Variants in CELF2 observed in about 807,000 individuals in gnomAD.
The protein encoded by CELF2 is CUGBP Elav-like family member 2.
A neutral mutation model predicts 62.6 loss-of-function variants in CELF2; 8 were observed. That is an observed-to-expected ratio of 0.13 (90% confidence interval 0.07 to 0.23). The LOEUF is 0.23. CELF2 is among the 10% of genes least tolerant of loss of function. The probability of loss-of-function intolerance (pLI) is 1.00; values close to 1 mark genes in which losing one functional copy is unlikely to be tolerated. For missense variants in CELF2, 333 were observed against 671.0 expected, an observed-to-expected ratio of 0.50 and a Z score of 5.56; for synonymous variants, 258 against 250.0, an observed-to-expected ratio of 1.03 and a Z score of -0.30.
chr10:11,314,262 C>A lies in CELF2; in HGVS notation c.1096+4C>A. ...AATAATATTAATGCACTAGCAGGTACCATCAACAGTGAGTATTTGCTGCTC... is the reference window on the plus strand; with the variant it reads ...AATAATATTAATGCACTAGCAGGTAACATCAACAGTGAGTATTTGCTGCTC... On this transcript the variant is annotated splice_donor_region_variant and intron_variant, in intron 10 of 12. Transcript: ENST00000633077. This position sits in a 1 kb window ranked among gnomAD's most constrained non-coding sequence, Gnocchi z 5.3. The A allele has an allele frequency of 6.2e-7, 1 of 1,614,166 alleles. No individual in the cohort carries two copies. Among genetic ancestry groups the A allele is most frequent in the East Asian group, 2.2e-5 (1 of 44,886 alleles).
chr10:10,842,066 A>T (rs2058720487), intron 1 of CELF2, among the ~76,000 whole-genome samples: 1 of 151,974 alleles, frequency 6.6e-6, no homozygotes, highest in South Asian at 2.1e-4. Flanking sequence ...TGTAAATGGT[A>T]TTTTTCATTT....
rs1007446913 is a variant in CELF2 at position 10,853,177 on chromosome 10, C to T, written c.53+54360C>T. On this transcript the variant is annotated intron_variant, in intron 1 of 13. Transcript: ENST00000636488. ...TGTATTTTTATTAGAGATGGGGTTT[C>T]ACCATGTTGGCCAGGTTGGTACTGA... Among the ~76,000 whole-genome samples, 3 of 152,266 alleles carry T rather than the reference C, an allele frequency of 2.0e-5. No individual in the cohort carries two copies. In the South Asian group the frequency reaches 6.2e-4, roughly 32 times the overall value.
At chr10:11,288,642 A>G in intron 9 of CELF2, 90 bp downstream of exon 9, 1 of 1,460,424 alleles carries the variant, frequency 6.8e-7, no homozygotes, top group South Asian at 1.2e-5. Context: ...GTGAGGCTAG[A>G]CGTGTCCAGG....
In CELF2 at chr10:11,321,398, C is replaced by T. The variant is rs1476559824; in HGVS notation, c.1294+12C>T. The stretch of plus-strand genomic sequence containing the variant: ...CAGCCAGAAGGAAGGTAGGTGCCGC[C>T]CTTGGCCCCAGGCAGGGCCCAGCCC... On this transcript the variant is annotated intron_variant, in intron 11 of 12. Coordinates refer to ENST00000633077, the MANE Select transcript of CELF2 (RefSeq NM_001326342.2). This position sits in a 1 kb window ranked among gnomAD's most constrained non-coding sequence, Gnocchi z 6.2. The T allele has an allele frequency of 1.2e-6, 2 of 1,600,692 alleles. No homozygotes were observed. The highest frequency in any genetic ancestry group is 2.2e-5 in the South Asian group (2 of 90,958).
intron 2 of CELF2, among the ~76,000 whole-genome samples, chr10:11,216,182 A>G (rs2063318264): frequency 1.3e-5 from 2 of 152,228 alleles, no homozygotes; most frequent in South Asian, 4.1e-4. Flanking sequence ...AAGGTTTTGT[A>G]TATATTGACT....
At chr10:11,241,971 T>TTC (rs745835995) in intron 3 of CELF2, among the ~76,000 whole-genome samples, 10 of 152,220 alleles carry the variant, frequency 6.6e-5, no homozygotes, top group Non-Finnish European at 1.3e-4. Context: ...GACACAAGTA[T>TTC]TCTCCATGGA....
chr10:11,172,366 G>A (rs1395424227), intron 2 of CELF2, among the ~76,000 whole-genome samples: 3 of 152,188 alleles, frequency 2.0e-5, no homozygotes, highest in African/African-American at 7.2e-5. Flanking sequence ...GTGAAAGGTG[G>A]CTTCACTGCC....
At chr10:10,575,898 G>T in the CELF2 span, among the ~76,000 whole-genome samples, 2,360 of 152,284 alleles carry the variant, frequency 0.015, 23 homozygotes, top group Non-Finnish European at 0.025. Context: ...AGGAATCCTT[G>T]ACCCCTGGCA....
rs541743058 is a variant in CELF2, at chr10:11,130,636, C to T, written c.75-34850C>T. On this transcript the variant is annotated intron_variant, in intron 1 of 12. Coordinates refer to ENST00000633077, the MANE Select transcript of CELF2 (RefSeq NM_001326342.2). ...ACCAGATGACACATTTTTGAGAGCA[C>T]AATCTATCTGATTTATTACCGACAG... Among the ~76,000 whole-genome samples the T allele has an allele frequency of 2.0e-5, 3 of 152,298 alleles. No individual in the cohort carries two copies. In the South Asian group the frequency reaches 6.2e-4, roughly 32 times the overall value.
intron 1 of CELF2, among the ~76,000 whole-genome samples, chr10:10,825,445 T>TC (rs2057314243): frequency 6.6e-6 from 1 of 151,946 alleles, no homozygotes; most frequent in Non-Finnish European, 1.5e-5. Flanking sequence ...TTCCTGACCT[T>TC]GTGATCTGTC....
chr10:11,115,611 G>A (rs896282757), intron 1 of CELF2, among the ~76,000 whole-genome samples: 1 of 152,186 alleles, frequency 6.6e-6, no homozygotes, highest in Non-Finnish European at 1.5e-5. Flanking sequence ...AGAAGCGAAT[G>A]ATATGGAATT....
chr10:10,555,742 G>A, the CELF2 span, among the ~76,000 whole-genome samples: 20 of 152,078 alleles, frequency 1.3e-4, no homozygotes, highest in African/African-American at 4.8e-4. Flanking sequence ...ACACACACAT[G>A]CACTCACACT....
At chr10:10,632,002 GA>G in the CELF2 span, among the ~76,000 whole-genome samples, 2 of 152,104 alleles carry the variant, frequency 1.3e-5, no homozygotes, top group African/African-American at 2.4e-5. Context: ...AAATAAACGA[GA>G]GGCCTGTGAA....
the CELF2 span, among the ~76,000 whole-genome samples, chr10:10,470,823 T>A: frequency 1.3e-5 from 2 of 151,034 alleles, no homozygotes; most frequent in East Asian, 3.9e-4. Context: ...ATTTCAGGGA[T>A]TAAAGCATGG....
chr10:11,096,546 A>G (rs1015677912), intron 1 of CELF2: 1 of 152,226 alleles, frequency 6.6e-6, no homozygotes, highest in Non-Finnish European at 1.5e-5. Context: ...AGAATCAAGG[A>G]AACTGCTGCA....
At chr10:11,107,184 G>A (rs772079127) in intron 1 of CELF2, among the ~76,000 whole-genome samples, 12 of 152,228 alleles carry the variant, frequency 7.9e-5, no homozygotes, top group East Asian at 1.9e-4. Context: ...GAAGCAAGGC[G>A]GCCAACTCAG....
chr10:11,182,302 C>T (rs565214144), intron 2 of CELF2, among the ~76,000 whole-genome samples: 6 of 152,360 alleles, frequency 3.9e-5, no homozygotes, highest in African/African-American at 1.4e-4. Flanking sequence ...TCCCTCTCTA[C>T]TTTCCTAGAT....
Position 10,980,350 on chromosome 10 carries a change from C to A in CELF2, c.89+60351C>A, listed in dbSNP as rs541641498. Among the ~76,000 whole-genome samples the A allele has an allele frequency of 1.2e-3, 182 of 152,322 alleles. 1 individual carries two copies. Among genetic ancestry groups the A allele is most frequent in the South Asian group, 4.2e-3 (20 of 4,816 alleles). On this transcript the variant is annotated intron_variant, in intron 2 of 13. Transcript: ENST00000636488. ...GTTATGTCACTTTTCTCTTCCCCCC[C>A]CAAGATGGTACCCACCTTATTGTAG...
intron 1 of CELF2, among the ~76,000 whole-genome samples, chr10:11,158,051 C>A (rs995532559): frequency 6.6e-6 from 1 of 152,156 alleles, no homozygotes; most frequent in East Asian, 1.9e-4. Flanking sequence ...AGCGCAGGCC[C>A]CTGTTGAGTT....
Sources: gnomAD v4.1 joint callset for allele counts (sites outside exome capture counted in the v4.1 genomes callset) on GRCh38, gnomAD v4.1.1 for gene constraint, Gnocchi (gnomAD v3.1) non-coding constraint, MANE v1.5 for transcripts, NCBI Gene and HGNC (gene_info 2026-07-23, HGNC 2026-07-21) for gene names.